Variants in FAM162B observed in about 807,000 individuals in gnomAD.
FAM162B encodes protein FAM162B.
A neutral mutation model predicts 20.0 loss-of-function variants in FAM162B; 16 were observed. That is an observed-to-expected ratio of 0.80 (90% CI 0.54 to 1.21). The LOEUF is 1.21. Among genes scored for constraint, FAM162B ranks in the 50% most tolerant of loss-of-function variants. FAM162B has a pLI of 0.00. For missense variants in FAM162B, 260 were observed against 227.5 expected (o/e 1.14, Z -0.92); for synonymous variants, 83 against 89.7 (o/e 0.93, Z 0.42).
chr6:116,755,849 C>G (rs1345318602), intron 3 of FAM162B, among the ~76,000 whole-genome samples: 2 of 152,122 alleles, frequency 1.3e-5, no homozygotes, highest in Non-Finnish European at 2.9e-5. Context: ...TGGGTGACAG[C>G]ATATCTGCTT....
rs780393893 is a variant in FAM162B, at chr6:116,765,386, C to T, written c.172+19G>A. 16 of 1,479,890 alleles carry T rather than the reference C, an allele frequency of 1.1e-5. No individual in the cohort carries two copies. The highest frequency in any genetic ancestry group is 2.5e-5 in the East Asian group (1 of 40,632). 91.7% of individuals were successfully genotyped at this position (1,479,890 alleles called of 1,614,324 possible). ...AACCTCCTCCCTCCCAGGACCTCCC[C>T]GTCGGAGCCCTGGCTCACCGTGACC... On this transcript the variant is annotated intron_variant, in intron 1 of 3. Coordinates refer to ENST00000368557, the MANE Select transcript of FAM162B (RefSeq NM_001085480.3).
At chr6:116,763,776 AT>A (rs5879386) in intron 2 of FAM162B, among the ~76,000 whole-genome samples, 15,733 of 142,644 alleles carry the variant, frequency 0.11, 900 homozygotes, top group African/African-American at 0.15. Context: ...ACTTATTTTA[AT>A]TTTTTTTTTT....
chr6:116,756,048 G>T (rs1583463960), intron 3 of FAM162B, among the ~76,000 whole-genome samples: 2 of 152,166 alleles, frequency 1.3e-5, no homozygotes, highest in Middle Eastern at 3.4e-3. Context: ...CATGGAAAAA[G>T]GTGTCATTTC....
chr6:116,762,426 T>C (rs1771801341), intron 2 of FAM162B, among the ~76,000 whole-genome samples: 1 of 152,196 alleles, frequency 6.6e-6, no homozygotes, highest in African/African-American at 2.4e-5. Context: ...AAAGCATATG[T>C]ATGTTGATGA....
At chr6:116,758,471 A>T (rs1224996205) in intron 3 of FAM162B, among the ~76,000 whole-genome samples, 2 of 152,180 alleles carry the variant, frequency 1.3e-5, no homozygotes, top group Non-Finnish European at 2.9e-5. Flanking sequence ...AATTTAAGAA[A>T]ATTAGCTCTT....
At chr6:116,756,565 C>T (rs1780054404) in intron 3 of FAM162B, among the ~76,000 whole-genome samples, 1 of 152,176 alleles carries the variant, frequency 6.6e-6, no homozygotes, top group Non-Finnish European at 1.5e-5. Flanking sequence ...AGAGAACTGA[C>T]TCCAATTTTG....
rs569373560 is a variant in FAM162B, at chr6:116,763,110, G to T, written c.282-1025C>A. On this transcript the variant is annotated intron_variant, in intron 2 of 3. Coordinates refer to ENST00000368557, the MANE Select transcript of FAM162B (RefSeq NM_001085480.3). ...TCTAGCCTATTTTCTTTAGATTTTA[G>T]GCAGAGTGATGTAAGTTTTAAGATG... Among the ~76,000 whole-genome samples, 7 of 152,194 alleles carry T rather than the reference G, an allele frequency of 4.6e-5. No homozygotes were observed. The East Asian group carries it at 1.4e-3, about 29-fold the overall frequency.
chr6:116,758,489 G>A (rs1435932421), intron 3 of FAM162B, among the ~76,000 whole-genome samples: 1 of 151,540 alleles, frequency 6.6e-6, no homozygotes, highest in Non-Finnish European at 1.5e-5. Flanking sequence ...CTTAGTTTGT[G>A]ATCTATTTTG....
chr6:116,765,612 G>A lies in FAM162B; in HGVS notation c.-36C>T, dbSNP rs760356609. On this transcript the variant is annotated 5_prime_UTR_variant, in exon 1 of 4. Transcript: ENST00000368557. ...TGTCCCGCGCCGCACCCGCACCTCC[G>A]GACCCAGCCACAGGCGTTGTCCCCG... is the stretch of plus-strand genomic sequence containing the variant. The A allele has an allele frequency of 3.1e-6, 4 of 1,290,316 alleles. No individual in the cohort carries two copies. The African/African-American group carries it at 6.2e-5, about 20-fold the overall frequency. The allele number at this position is 1,290,316 out of a possible 1,614,324, so 79.9% of individuals were successfully genotyped here. A position where few individuals can be genotyped will look rare whatever the true frequency, so the allele number is the denominator to read the frequency against.
At chr6:116,761,560 T>TA in intron 3 of FAM162B, among the ~76,000 whole-genome samples, 1 of 150,848 alleles carries the variant, frequency 6.6e-6, no homozygotes, top group South Asian at 2.1e-4. Context: ...CATATAGTGT[T>TA]AATTTGTTGA....
intron 3 of FAM162B, among the ~76,000 whole-genome samples, chr6:116,758,479 C>T (rs975278482): frequency 6.6e-6 from 1 of 151,988 alleles, no homozygotes; most frequent in South Asian, 2.1e-4. Context: ...AAAATTAGCT[C>T]TTAGTTTGTG....
intron 2 of FAM162B, among the ~76,000 whole-genome samples, chr6:116,763,590 G>T (rs1307039811): frequency 1.3e-5 from 2 of 152,014 alleles, no homozygotes; most frequent in East Asian, 3.9e-4. Context: ...ATGATCTTGG[G>T]GAAATTACAT....
At chr6:116,759,956 G>A (rs1446260216) in intron 3 of FAM162B, among the ~76,000 whole-genome samples, 1 of 152,066 alleles carries the variant, frequency 6.6e-6, no homozygotes, top group Non-Finnish European at 1.5e-5. Context: ...ATCAAAAATG[G>A]CCTCTCCTGG....
At chr6:116,762,244 T>C (rs780323719) in intron 2 of FAM162B, among the ~76,000 whole-genome samples, 159 bp from the exon 3 acceptor site, 1 of 152,226 alleles carries the variant, frequency 6.6e-6, no homozygotes, top group Non-Finnish European at 1.5e-5. Context: ...GCTAGCTAGT[T>C]ATTTTTACCA....
intron 3 of FAM162B, among the ~76,000 whole-genome samples, chr6:116,757,950 A>G (rs1053468876): frequency 6.6e-6 from 1 of 152,230 alleles, no homozygotes; most frequent in Admixed American, 6.5e-5. Flanking sequence ...AAGGTTTGCC[A>G]TAGAGAAATG....
chr6:116,761,662 A>ATATATG (rs1480577767), intron 3 of FAM162B, among the ~76,000 whole-genome samples: 2,715 of 67,710 alleles, frequency 0.04, 36 homozygotes, highest in South Asian at 0.077. Flanking sequence ...ATATATACTT[A>ATATATG]TATATATACT....
At chr6:116,758,482 A>C (rs1293875824) in intron 3 of FAM162B, among the ~76,000 whole-genome samples, 1 of 151,944 alleles carries the variant, frequency 6.6e-6, no homozygotes, top group South Asian at 2.1e-4. Flanking sequence ...ATTAGCTCTT[A>C]GTTTGTGATC....
At position 116,760,604 on chromosome 6, in the gene FAM162B, T is replaced by C. The variant is rs1295460605; in HGVS notation, c.390+1373A>G. Among the ~76,000 whole-genome samples, 4 of 152,216 alleles carry C rather than the reference T, an allele frequency of 2.6e-5. No individual in the cohort carries two copies. The East Asian group carries it at 7.7e-4, about 29-fold the overall frequency. On this transcript the variant is annotated intron_variant, in intron 3 of 3. Transcript: ENST00000368557. ...TGAGGCAATACACTAATCATCAAAA[T>C]ATTCCTAGAAACTAGAGAATCATCA...
chr6:116,756,561 C>G (rs1010879607), intron 3 of FAM162B, among the ~76,000 whole-genome samples: 1 of 152,218 alleles, frequency 6.6e-6, no homozygotes, highest in African/African-American at 2.4e-5. Context: ...TTTGAGAGAA[C>G]TGACTCCAAT....
Sources: allele counts gnomAD v4.1 joint callset (sites outside exome capture counted in the v4.1 genomes callset), GRCh38; gene constraint gnomAD v4.1.1; transcripts MANE v1.5; gene names NCBI Gene and HGNC (gene_info 2026-07-23, HGNC 2026-07-21).